TNFRSF19: variants seen among roughly 807,000 people sequenced by gnomAD.
The protein encoded by TNFRSF19 is tumor necrosis factor receptor superfamily member 19.
A neutral mutation model predicts 46.4 loss-of-function variants in TNFRSF19; 27 were observed. That is an observed-to-expected ratio of 0.58 (90% CI 0.43 to 0.80). TNFRSF19 has a LOEUF of 0.80. Among genes scored for constraint, TNFRSF19 ranks in the 30% least tolerant of loss-of-function variants. The pLI, the probability that TNFRSF19 is intolerant of heterozygous loss-of-function variation, is 0.00. For missense variants in TNFRSF19, 511 were observed against 530.8 expected (o/e 0.96, Z 0.37); for synonymous variants, 204 against 205.0 (o/e 1.00, Z 0.04).
intron 1 of TNFRSF19, among the ~76,000 whole-genome samples, chr13:23,578,382 T>C (rs1013006739): frequency 5.3e-5 from 8 of 152,236 alleles, no homozygotes; most frequent in Admixed American, 5.2e-4. Flanking sequence ...TCGGGAATAA[T>C]ATTTTTAACA....
At chr13:23,612,965 G>A (rs991943769) in intron 3 of TNFRSF19, among the ~76,000 whole-genome samples, 2 of 152,188 alleles carry the variant, frequency 1.3e-5, no homozygotes, top group Non-Finnish European at 2.9e-5. Context: ...GGAACGCAGG[G>A]CTCTTATAGC....
intron 3 of TNFRSF19, among the ~76,000 whole-genome samples, chr13:23,593,786 A>G (rs1376837118): frequency 6.6e-6 from 1 of 152,228 alleles, no homozygotes; most frequent in Non-Finnish European, 1.5e-5. Flanking sequence ...AAGATTTAAA[A>G]CTAAAGCATT....
chr13:23,660,479 T>G lies in TNFRSF19; in HGVS notation c.725T>G (p.Val242Gly). Residue 242 changes from valine to glycine, a missense_variant, in exon 7 of 10, where the codon GTG (valine) becomes GGG (glycine). Physicochemically the swap from Val to Gly is moderately radical, Grantham distance 109. This residue lies in a region of TNFRSF19 where 376 missense variants were observed against 372.7 expected (regional missense o/e 1.01). Transcript: ENST00000248484. ...TGCTGCCAGTGCCGCCGTGACTCAGTGCAGACCTGCGGTAAGTTCAGCAGG... is the reference window on the plus strand; with the variant it reads ...TGCTGCCAGTGCCGCCGTGACTCAGGGCAGACCTGCGGTAAGTTCAGCAGG... ...RACCQCRRDS[V>G]QTCGPVRLLP... 1 of 1,613,180 alleles carries G rather than the reference T, an allele frequency of 6.2e-7. No homozygotes were observed. Among genetic ancestry groups the G allele is most frequent in the Non-Finnish European group, 8.5e-7 (1 of 1,179,940 alleles).
intron 3 of TNFRSF19, among the ~76,000 whole-genome samples, chr13:23,614,897 C>T (rs1279557631): frequency 6.6e-6 from 1 of 151,980 alleles, no homozygotes; most frequent in East Asian, 1.9e-4. Flanking sequence ...CTCTGACGCT[C>T]TATCCCCCAA....
At chr13:23,610,941 T>G (rs900990886) in intron 3 of TNFRSF19, among the ~76,000 whole-genome samples, 3 of 152,154 alleles carry the variant, frequency 2.0e-5, no homozygotes, top group Non-Finnish European at 2.9e-5. Context: ...TACCAGGTCA[T>G]AATTTCAAGA....
intron 5 of TNFRSF19, among the ~76,000 whole-genome samples, chr13:23,650,255 G>T (rs1566211739): frequency 6.6e-6 from 1 of 152,170 alleles, no homozygotes; most frequent in African/African-American, 2.4e-5. Flanking sequence ...ATGTATCTTT[G>T]TGGAATGTTT....
At position 23,674,885 on chromosome 13, in the gene TNFRSF19, C is replaced by G. The variant is rs1167707475; in HGVS notation, c.*1505C>G. 1 of 152,108 alleles carries G rather than the reference C, an allele frequency of 6.6e-6. No individual in the cohort carries two copies. The highest frequency in any genetic ancestry group is 1.5e-5 in the Non-Finnish European group (1 of 68,030). The allele number at this position is 152,108 out of a possible 1,614,324, so 9.4% of individuals were successfully genotyped here. A position where few individuals can be genotyped will look rare whatever the true frequency, so the allele number is the denominator to read the frequency against. On this transcript the variant is annotated 3_prime_UTR_variant, in exon 10 of 10. Transcript: ENST00000248484. Reference sequence around the variant, plus strand: ...TGACAGATTAGTAAAATTTAATGAGCCCTCTTTCTTGTGGCCGTTTCTCCA... The same window carrying G: ...TGACAGATTAGTAAAATTTAATGAGGCCTCTTTCTTGTGGCCGTTTCTCCA...
intron 1 of TNFRSF19, among the ~76,000 whole-genome samples, chr13:23,582,058 A>T (rs530594054): frequency 1.3e-5 from 2 of 152,152 alleles, no homozygotes; most frequent in East Asian, 3.9e-4. Context: ...GGTTAAATAT[A>T]TTTGTCCTGT....
intron 3 of TNFRSF19, among the ~76,000 whole-genome samples, chr13:23,606,350 TA>T (rs66741104): frequency 0.25 from 29,387 of 119,882 alleles, 3,029 homozygotes; most frequent in South Asian, 0.31. Flanking sequence ...CCCATATTTA[TA>T]ATTTTTTTAA....
At chr13:23,671,535 C>A (rs73156795) in intron 9 of TNFRSF19, among the ~76,000 whole-genome samples, 35,280 of 151,564 alleles carry the variant, frequency 0.23, 4,907 homozygotes, top group Non-Finnish European at 0.32. Flanking sequence ...GTTGCACTTA[C>A]TAATCTGTGA....
chr13:23,654,378 C>T (rs965274253), intron 5 of TNFRSF19, among the ~76,000 whole-genome samples: 2 of 152,136 alleles, frequency 1.3e-5, no homozygotes, highest in African/African-American at 2.4e-5. Flanking sequence ...CCCCCCGCCC[C>T]TGCCCCAGGA....
chr13:23,605,179 T>C (rs1593249216), intron 3 of TNFRSF19, among the ~76,000 whole-genome samples: 1 of 152,262 alleles, frequency 6.6e-6, no homozygotes, highest in Non-Finnish European at 1.5e-5. Context: ...CCAAAGAAGA[T>C]ACACAGATGG....
rs372436650 is a variant in TNFRSF19 at position 23,640,786 on chromosome 13, C to T, written c.445+13994C>T. ...ATAATTTTGCAGTAAGTGAGGGAGA[C>T]CATTTGAATGTTGATAGTAGAACTA... On this transcript the variant is annotated intron_variant, in intron 5 of 9. Transcript: ENST00000248484. Among the ~76,000 whole-genome samples, 21 of 152,274 alleles carry T rather than the reference C, an allele frequency of 1.4e-4. No homozygotes were observed. In the East Asian group the frequency reaches 2.3e-3, roughly 17 times the overall value.
chr13:23,642,816 T>A (rs9507127), intron 5 of TNFRSF19, among the ~76,000 whole-genome samples: 39,593 of 152,160 alleles, frequency 0.26, 5,567 homozygotes, highest in Non-Finnish European at 0.32. Context: ...GCTCCAGCAA[T>A]AAAATCAGGT....
At chr13:23,590,362 TCTTG>T (rs1350667482) in intron 2 of TNFRSF19, 110 bp downstream of exon 2, 1 of 654,534 alleles carries the variant, frequency 1.5e-6, no homozygotes, top group Admixed American at 3.9e-5. Context: ...TGAGACAGAG[TCTTG>T]CTCTTTTGCT....
chr13:23,588,295 T>G (rs1878991201), intron 1 of TNFRSF19, among the ~76,000 whole-genome samples: 1 of 152,180 alleles, frequency 6.6e-6, no homozygotes, highest in African/African-American at 2.4e-5. Flanking sequence ...AGTAACAGCA[T>G]CAGCAACTGC....
At chr13:23,645,595 C>T (rs557722282) in intron 5 of TNFRSF19, among the ~76,000 whole-genome samples, 1 of 152,242 alleles carries the variant, frequency 6.6e-6, no homozygotes, top group African/African-American at 2.4e-5. Flanking sequence ...TTTATACCTG[C>T]TTGTTTTCCC....
chr13:23,594,574 G>A (rs926954721), intron 3 of TNFRSF19, among the ~76,000 whole-genome samples: 1 of 152,228 alleles, frequency 6.6e-6, no homozygotes, highest in African/African-American at 2.4e-5. Flanking sequence ...TCTGGGGAGG[G>A]CATCCCTGAA....
At chr13:23,625,119 C>T (rs1286741094) in intron 4 of TNFRSF19, among the ~76,000 whole-genome samples, 1 of 152,078 alleles carries the variant, frequency 6.6e-6, no homozygotes, top group Non-Finnish European at 1.5e-5. Flanking sequence ...TGTGTGCCTG[C>T]ACAAAATGGA....
Sources: allele counts gnomAD v4.1 joint callset (sites outside exome capture counted in the v4.1 genomes callset), GRCh38; gene constraint gnomAD v4.1.1; regional missense constraint gnomAD v4.1.1; transcripts MANE v1.5; gene names NCBI Gene and HGNC (gene_info 2026-07-23, HGNC 2026-07-21).